Variants in PPP3CB observed in about 807,000 individuals in gnomAD.
The protein encoded by PPP3CB is serine/threonine-protein phosphatase 2B catalytic subunit beta isoform.
PPP3CB carries 8 observed loss-of-function variants against 66.4 expected under a neutral mutation model. That is an observed-to-expected ratio of 0.12 (90% CI 0.07 to 0.22). The LOEUF (loss-of-function observed/expected upper bound fraction) is 0.22, where lower values mean the gene tolerates loss of function less well. PPP3CB is among the 10% of genes least tolerant of loss of function. The probability of loss-of-function intolerance (pLI) is 1.00; values close to 1 mark genes in which losing one functional copy is unlikely to be tolerated. For synonymous variants in PPP3CB, 208 were observed against 221.2 expected (o/e 0.94, Z 0.53); for missense variants, 319 against 642.5 (o/e 0.50, Z 5.44).
chr10:73,495,752 C>A, intron 1 of PPP3CB, 53 bp downstream of exon 1: 1 of 1,543,952 alleles, frequency 6.5e-7, no homozygotes, highest in South Asian at 1.1e-5. Flanking sequence ...CGCCCGCCCT[C>A]ACACACAGCT....
intron 9 of PPP3CB, among the ~76,000 whole-genome samples, chr10:73,466,784 G>C (rs759509761): frequency 2.0e-5 from 3 of 152,104 alleles, no homozygotes; most frequent in Non-Finnish European, 2.9e-5. Context: ...AAAAAATAGA[G>C]GGGGATACTG....
At chr10:73,489,689 C>G (rs1046467997) in intron 1 of PPP3CB, among the ~76,000 whole-genome samples, 2 of 152,180 alleles carry the variant, frequency 1.3e-5, no homozygotes, top group African/African-American at 4.8e-5. Flanking sequence ...CATCCAGGTA[C>G]TATATACTGC....
intron 3 of PPP3CB, chr10:73,477,353 T>C (rs2056807549): frequency 1.4e-5 from 6 of 443,194 alleles, no homozygotes; most frequent in South Asian, 6.9e-5. Flanking sequence ...TAAAGCATCA[T>C]TTGTAAAGAA....
At chr10:73,441,580 G>C (rs1470271201) in intron 12 of PPP3CB, among the ~76,000 whole-genome samples, 1 of 152,178 alleles carries the variant, frequency 6.6e-6, no homozygotes, top group Non-Finnish European at 1.5e-5. Flanking sequence ...TCCTCTATTT[G>C]TTTTCAGTTA....
intron 4 of PPP3CB, among the ~76,000 whole-genome samples, chr10:73,472,545 C>T (rs1441640697): frequency 4.0e-5 from 6 of 151,630 alleles, no homozygotes; most frequent in African/African-American, 1.5e-4. Flanking sequence ...CAACCCTTCA[C>T]CTTTATCGGC....
At chr10:73,447,500 A>G (rs2056276202) in intron 10 of PPP3CB, among the ~76,000 whole-genome samples, 1 of 152,144 alleles carries the variant, frequency 6.6e-6, no homozygotes, top group South Asian at 2.1e-4. Flanking sequence ...GCTTCAACAC[A>G]ATGAAAACAC....
chr10:73,480,915 A>G (rs1021673735), intron 1 of PPP3CB, among the ~76,000 whole-genome samples: 1 of 152,304 alleles, frequency 6.6e-6, no homozygotes, highest in Admixed American at 6.5e-5. Context: ...AATGGCATCT[A>G]AGCACAATTT....
At chr10:73,446,320 A>G (rs2056252694) in intron 11 of PPP3CB, among the ~76,000 whole-genome samples, 172 bp downstream of exon 11, 1 of 151,686 alleles carries the variant, frequency 6.6e-6, no homozygotes, top group African/African-American at 2.4e-5. Flanking sequence ...GGCTGGTTTC[A>G]AACTCCTGAC....
intron 9 of PPP3CB, 36 bp from the exon 10 acceptor site, chr10:73,454,525 A>G (rs2132830245): frequency 6.9e-7 from 1 of 1,440,662 alleles, no homozygotes; most frequent in Non-Finnish European, 9.8e-7. Flanking sequence ...TTAGCTGACC[A>G]TATATAACTG....
intron 1 of PPP3CB, among the ~76,000 whole-genome samples, chr10:73,481,801 CTCTTT>C (rs2056883748): frequency 1.3e-5 from 2 of 150,036 alleles, no homozygotes; most frequent in South Asian, 2.1e-4. Context: ...TCACTAATCC[CTCTTT>C]TTTTTTTTAT....
intron 4 of PPP3CB, among the ~76,000 whole-genome samples, chr10:73,474,191 T>C (rs2056749252): frequency 6.6e-6 from 1 of 151,460 alleles, no homozygotes; most frequent in South Asian, 2.1e-4. Context: ...TACAGGCACA[T>C]GTCACCACGC....
rs1004949712 is a variant in PPP3CB at position 73,469,396 on chromosome 10, C to T, written c.982+1291G>A. 2.0e-5 allele frequency among the ~76,000 whole-genome samples: 3 copies of T among 152,190 alleles called. No homozygotes were observed. The South Asian group carries it at 6.2e-4, about 32-fold the overall frequency. The stretch of plus-strand genomic sequence containing the variant: ...CATTCTATAAAAATATAAAAATTAG[C>T]TGGGCGAGGTGGCGGGTGCCTATGA... On this transcript the variant is annotated intron_variant, in intron 8 of 13. Coordinates refer to ENST00000360663, the MANE Select transcript of PPP3CB (RefSeq NM_021132.4).
rs955822477 is a variant in PPP3CB at position 73,438,043 on chromosome 10, C to T, written c.*199G>A. Reference sequence around the variant, plus strand: ...TGCTCACTGCTCTCCACCTTGGCAGCGATGACCCAATCTTATCAGATAGCA... The same window carrying T: ...TGCTCACTGCTCTCCACCTTGGCAGTGATGACCCAATCTTATCAGATAGCA... On this transcript the variant is annotated 3_prime_UTR_variant, in exon 14 of 14. Transcript: ENST00000360663. 8.0e-6 allele frequency: 4 copies of T among 500,360 alleles called. No homozygotes were observed. Among genetic ancestry groups the T allele is most frequent in the African/African-American group, 6.0e-5 (3 of 50,092 alleles). 31.0% of individuals were successfully genotyped at this position (500,360 alleles called of 1,614,324 possible).
At chr10:73,471,283 T>C (rs2056698093) in intron 5 of PPP3CB, 74 bp from the exon 6 acceptor site, 3 of 1,454,370 alleles carry the variant, frequency 2.1e-6, no homozygotes, top group Non-Finnish European at 1.9e-6. Flanking sequence ...AGGAAAACGA[T>C]ACCAACTTTG....
chr10:73,476,814 CTAATAATCAACTATCAGCAGGAGGA>C (rs552052618), intron 3 of PPP3CB, among the ~76,000 whole-genome samples: 3 of 152,076 alleles, frequency 2.0e-5, no homozygotes, highest in Admixed American at 6.6e-5. Flanking sequence ...GTTGACGAGG[CTAATAATCAACTATCAGCAGGAGGA>C]AGAAGAACTC....
chr10:73,449,724 CCA>C (rs1338715294), intron 10 of PPP3CB, among the ~76,000 whole-genome samples: 10 of 152,024 alleles, frequency 6.6e-5, no homozygotes, highest in Non-Finnish European at 1.3e-4. Flanking sequence ...AAAAATGACC[CCA>C]CACATACATT....
intron 1 of PPP3CB, among the ~76,000 whole-genome samples, chr10:73,484,138 C>CA (rs201452826): frequency 0.072 from 10,508 of 146,944 alleles, 600 homozygotes; most frequent in East Asian, 0.3. Flanking sequence ...GACTCTATCT[C>CA]AAAAAAAAAA....
At chr10:73,454,513 T>A (rs750975165) in intron 9 of PPP3CB, 24 bp from the exon 10 acceptor site, 6 of 1,545,570 alleles carry the variant, frequency 3.9e-6, no homozygotes, top group Non-Finnish European at 5.4e-6. Flanking sequence ...AAAAGTTACA[T>A]GTTAGCTGAC....
At chr10:73,443,739 CAA>C (rs1220231155) in intron 12 of PPP3CB, 2 of 152,008 alleles carry the variant, frequency 1.3e-5, no homozygotes, top group Non-Finnish European at 2.9e-5. Flanking sequence ...ATATTTACGC[CAA>C]AAAAAGTTTT....
Sources: allele counts gnomAD v4.1 joint callset (sites outside exome capture counted in the v4.1 genomes callset), GRCh38; gene constraint gnomAD v4.1.1; transcripts MANE v1.5; gene names NCBI Gene and HGNC (gene_info 2026-07-23, HGNC 2026-07-21).